VSTM2B: variants seen among roughly 807,000 people sequenced by gnomAD.
The protein encoded by VSTM2B is V-set and transmembrane domain containing 2B.
VSTM2B carries 24 observed loss-of-function variants against 24.0 expected under a neutral mutation model. The ratio of observed to expected loss-of-function variants is 1.00; its 90% CI spans 0.72 to 1.40. VSTM2B has a LOEUF of 1.40. Among genes scored for constraint, VSTM2B ranks in the 40% most tolerant of loss-of-function variants. The pLI is 0.00. For missense variants in VSTM2B, 399 were observed against 416.4 expected (o/e 0.96, Z 0.36); for synonymous variants, 226 against 194.4 (o/e 1.16, Z -1.35).
At chr19:29,562,634 C>A (rs1970557689) in intron 4 of VSTM2B, among the ~76,000 whole-genome samples, 1 of 152,176 alleles carries the variant, frequency 6.6e-6, no homozygotes, top group Non-Finnish European at 1.5e-5. Flanking sequence ...TAGTGACGTC[C>A]CCCGGGGGTT....
At chr19:29,537,457 C>A (rs147341552) in intron 4 of VSTM2B, among the ~76,000 whole-genome samples, 4 of 152,286 alleles carry the variant, frequency 2.6e-5, no homozygotes, top group African/African-American at 9.6e-5. Flanking sequence ...CTCCACAGGA[C>A]GGCCCTTGAG....
At position 29,547,263 on chromosome 19, in the gene VSTM2B, C is replaced by T. The variant is rs534621098; in HGVS notation, c.770-16583C>T. The stretch of plus-strand genomic sequence containing the variant: ...TGCAATTCAGATTCAATGGAGTGTC[C>T]TGTTTTTTATCTGGCAACCCCAGGC... On this transcript the variant is annotated intron_variant, in intron 4 of 4. Coordinates refer to ENST00000335523, the MANE Select transcript of VSTM2B (RefSeq NM_001146339.2). 5.3e-5 allele frequency among the ~76,000 whole-genome samples: 8 copies of T among 152,230 alleles called. 1 individual carries two copies. The highest frequency in any genetic ancestry group is 1.9e-4 in the African/African-American group (8 of 41,528).
chr19:29,538,023 C>T (rs991925121), intron 4 of VSTM2B, among the ~76,000 whole-genome samples: 3 of 152,204 alleles, frequency 2.0e-5, no homozygotes, highest in African/African-American at 7.2e-5. Flanking sequence ...TCTCTCCTGA[C>T]ATTTCAAATG....
chr19:29,541,169 G>A (rs935752159), intron 4 of VSTM2B, among the ~76,000 whole-genome samples: 1 of 152,220 alleles, frequency 6.6e-6, no homozygotes, highest in African/African-American at 2.4e-5. Flanking sequence ...AAGAGATCAG[G>A]AAGCTTTGAC....
intron 4 of VSTM2B, among the ~76,000 whole-genome samples, chr19:29,545,756 T>C (rs574507687): frequency 2.6e-4 from 39 of 152,314 alleles, no homozygotes; most frequent in African/African-American, 9.1e-4. Context: ...GTTGGTTCCA[T>C]GTGTTTGCTG....
rs116718193 is a variant in VSTM2B at position 29,535,073 on chromosome 19, C to T, written c.769+4783C>T. 2.0e-3 allele frequency among the ~76,000 whole-genome samples: 303 copies of T among 152,326 alleles called. 1 individual carries two copies. Among genetic ancestry groups the T allele is most frequent in the African/African-American group, 6.8e-3 (282 of 41,568 alleles). ...ATTTCACGTCTCATTTGTCAAGAGA[C>T]ATTTTGGTATTTGTGCTTAAAAATA... On this transcript the variant is annotated intron_variant, in intron 4 of 4. Coordinates refer to ENST00000335523, the MANE Select transcript of VSTM2B (RefSeq NM_001146339.2).
intron 4 of VSTM2B, among the ~76,000 whole-genome samples, chr19:29,540,245 G>A (rs527562666): frequency 3.9e-5 from 6 of 152,350 alleles, no homozygotes; most frequent in African/African-American, 1.2e-4. Context: ...GCTACCCAGA[G>A]CATCAGGCAG....
intron 4 of VSTM2B, among the ~76,000 whole-genome samples, chr19:29,548,245 C>A (rs920576802): frequency 6.6e-6 from 1 of 152,228 alleles, no homozygotes; most frequent in East Asian, 1.9e-4. Context: ...TATGACGTCA[C>A]CCCCAGGAGG....
At chr19:29,537,533 G>A (rs1043925720) in intron 4 of VSTM2B, among the ~76,000 whole-genome samples, 2 of 152,174 alleles carry the variant, frequency 1.3e-5, no homozygotes, top group African/African-American at 2.4e-5. Flanking sequence ...TGGTTGTTCT[G>A]TTCTGTCGTT....
chr19:29,533,794 T>C (rs902151388), intron 4 of VSTM2B, among the ~76,000 whole-genome samples: 1 of 152,228 alleles, frequency 6.6e-6, no homozygotes, highest in Non-Finnish European at 1.5e-5. Flanking sequence ...CACCAGCCAG[T>C]GCCCCGAGCT....
chr19:29,547,882 T>C (rs1183633416), intron 4 of VSTM2B, among the ~76,000 whole-genome samples: 3 of 151,128 alleles, frequency 2.0e-5, no homozygotes, highest in Non-Finnish European at 4.4e-5. Flanking sequence ...AATGGTCAGA[T>C]TGAAGTGGGG....
chr19:29,527,428 C>A, intron 2 of VSTM2B, 33 bp downstream of exon 2: 1 of 1,433,926 alleles, frequency 7.0e-7, no homozygotes, highest in Non-Finnish European at 9.1e-7. Flanking sequence ...CCGGCGCGCG[C>A]CCGGCTCGCG....
chr19:29,552,860 G>A (rs1022827062), intron 4 of VSTM2B, among the ~76,000 whole-genome samples: 1 of 152,200 alleles, frequency 6.6e-6, no homozygotes, highest in African/African-American at 2.4e-5. Context: ...AGGTCAGACT[G>A]CCCCTTTAGG....
intron 4 of VSTM2B, among the ~76,000 whole-genome samples, chr19:29,540,773 G>A (rs1327952163): frequency 6.6e-6 from 1 of 152,200 alleles, no homozygotes; most frequent in Non-Finnish European, 1.5e-5. Flanking sequence ...AGTGACAGAG[G>A]AAGAGACAGA....
intron 2 of VSTM2B, 44 bp downstream of exon 2, chr19:29,527,439 C>G (rs1185060894): frequency 7.1e-7 from 1 of 1,414,122 alleles, no homozygotes; most frequent in South Asian, 1.6e-5. Context: ...CCGGCTCGCG[C>G]CCGGGGCGGC....
intron 4 of VSTM2B, among the ~76,000 whole-genome samples, chr19:29,553,801 A>G (rs776668216): frequency 6.6e-6 from 1 of 152,330 alleles, no homozygotes; most frequent in East Asian, 1.9e-4. Flanking sequence ...AGCCGAATTG[A>G]CCAAGTGGGG....
intron 4 of VSTM2B, among the ~76,000 whole-genome samples, chr19:29,546,870 G>T (rs1180529846): frequency 1.3e-5 from 2 of 152,250 alleles, no homozygotes; most frequent in Non-Finnish European, 2.9e-5. Context: ...ACATTAAAAA[G>T]CCACCATGAA....
At chr19:29,527,487 C>T (rs1168781026) in intron 2 of VSTM2B, 92 bp downstream of exon 2, 2 of 1,175,440 alleles carry the variant, frequency 1.7e-6, no homozygotes, top group Non-Finnish European at 1.1e-6. Flanking sequence ...GGGCTTCACT[C>T]GCGCAGGGCG....
At chr19:29,534,927 C>T (rs945889877) in intron 4 of VSTM2B, among the ~76,000 whole-genome samples, 1 of 152,158 alleles carries the variant, frequency 6.6e-6, no homozygotes, top group Non-Finnish European at 1.5e-5. Context: ...GGGGGACTTC[C>T]TCCAGCCCTC....
Sources: gnomAD v4.1 joint callset for allele counts (sites outside exome capture counted in the v4.1 genomes callset) on GRCh38, gnomAD v4.1.1 for gene constraint, MANE v1.5 for transcripts, NCBI Gene and HGNC (gene_info 2026-07-23, HGNC 2026-07-21) for gene names.